Variants in NR2C1 observed in about 807,000 individuals in gnomAD.
NR2C1 encodes the protein nuclear receptor subfamily 2 group C member 1.
NR2C1 carries 33 observed loss-of-function variants against 74.8 expected under a neutral mutation model. The observed-to-expected ratio is 0.44, with a 90% CI of 0.33 to 0.59. The LOEUF is 0.59. Among genes scored for constraint, NR2C1 ranks in the 20% least tolerant of loss-of-function variants. The probability of loss-of-function intolerance (pLI) is 0.02; values close to 1 mark genes in which losing one functional copy is unlikely to be tolerated. For missense variants in NR2C1, 568 were observed against 715.6 expected, an observed-to-expected ratio of 0.79 and a Z score of 2.35; for synonymous variants, 225 against 240.6, an observed-to-expected ratio of 0.94 and a Z score of 0.60.
intron 1 of NR2C1, among the ~76,000 whole-genome samples, chr12:95,071,027 C>T (rs1876516732): frequency 2.0e-5 from 3 of 152,124 alleles, no homozygotes; most frequent in Admixed American, 1.3e-4. Context: ...TGGTGAAACC[C>T]CATCTCTACG....
At chr12:95,071,903 C>A (rs1039903786) in intron 1 of NR2C1, among the ~76,000 whole-genome samples, 9 of 151,572 alleles carry the variant, frequency 5.9e-5, no homozygotes, top group Non-Finnish European at 1.0e-4. Flanking sequence ...TGTGCGCCAC[C>A]ACGCCCGACT....
intron 2 of NR2C1, chr12:95,062,985 A>G: frequency 1.9e-6 from 1 of 529,764 alleles, no homozygotes; most frequent in South Asian, 2.2e-5. Context: ...CCCATGTTCC[A>G]TTTAGACAAA....
chr12:95,037,983 G>A (rs1489090154), intron 10 of NR2C1, among the ~76,000 whole-genome samples: 1 of 150,320 alleles, frequency 6.7e-6, no homozygotes, highest in Non-Finnish European at 1.5e-5. Context: ...TTTCCATCAT[G>A]AGCACTTTGT....
Position 95,036,372 on chromosome 12 carries a change from A to C in NR2C1, c.1253+4104T>G, listed in dbSNP as rs1438438842. Among the ~76,000 whole-genome samples, 3 of 152,114 alleles carry C rather than the reference A, an allele frequency of 2.0e-5. No homozygotes were observed. The East Asian group carries it at 5.8e-4, about 29-fold the overall frequency. ...AGAATTGCTTGAGGCAAGGAGTTCA[A>C]GATCAGCCTGGACAACAGTGAGACC... On this transcript the variant is annotated intron_variant, in intron 10 of 13. Coordinates refer to ENST00000333003, the MANE Select transcript of NR2C1 (RefSeq NM_003297.4).
In NR2C1 at chr12:95,059,951, T is replaced by C. The variant is rs779427734; in HGVS notation, c.319A>G (p.Asn107Asp). 5.0e-6 allele frequency: 8 copies of C among 1,590,388 alleles called. No homozygotes were observed. The Admixed American group carries it at 8.9e-5, about 18-fold the overall frequency. ...ACTACGCAAAGATCAAAAACCTTATTTGGTCCTTGGTCTGGAGAATTATCT... is the reference window on the plus strand; with the variant it reads ...ACTACGCAAAGATCAAAAACCTTATCTGGTCCTTGGTCTGGAGAATTATCT... ...LTDNSPDQGP[N>D]KVFDLCVVCG... Residue 107 changes from asparagine to aspartate, a missense_variant, in exon 4 of 14, where the codon AAT becomes GAT. Coordinates refer to ENST00000333003, the MANE Select transcript of NR2C1 (RefSeq NM_003297.4).
chr12:95,043,848 G>C (rs1313551892), intron 9 of NR2C1, among the ~76,000 whole-genome samples: 1 of 152,116 alleles, frequency 6.6e-6, no homozygotes, highest in Non-Finnish European at 1.5e-5. Context: ...AATGGAAATA[G>C]TTTACAACAC....
intron 7 of NR2C1, among the ~76,000 whole-genome samples, chr12:95,052,516 G>A (rs1873171644): frequency 6.6e-6 from 1 of 152,084 alleles, no homozygotes; most frequent in Non-Finnish European, 1.5e-5. Flanking sequence ...GAGTACAGTG[G>A]CACGACCACA....
At chr12:95,049,046 TA>T (rs563172019) in intron 9 of NR2C1, 21 bp downstream of exon 9, 36 of 1,602,162 alleles carry the variant, frequency 2.2e-5, no homozygotes, top group Non-Finnish European at 3.1e-5. Context: ...ACATACAAGT[TA>T]AAAAAAACAT....
chr12:95,042,336 A>C (rs1871653897), intron 9 of NR2C1, among the ~76,000 whole-genome samples: 1 of 147,216 alleles, frequency 6.8e-6, no homozygotes, highest in Non-Finnish European at 1.5e-5. Flanking sequence ...CAGCCTCCCC[A>C]GTAGCTGGGA....
intron 9 of NR2C1, among the ~76,000 whole-genome samples, chr12:95,041,631 CT>C (rs1483688441): frequency 6.6e-6 from 1 of 152,082 alleles, no homozygotes; most frequent in Admixed American, 6.6e-5. Context: ...ACTGTTGAAA[CT>C]TTTTTCTACT....
intron 2 of NR2C1, chr12:95,066,782 T>G (rs1875770247): frequency 6.5e-6 from 1 of 152,978 alleles, no homozygotes; most frequent in Non-Finnish European, 1.5e-5. Flanking sequence ...TGTAGAAAAT[T>G]CCATTGTATA....
chr12:95,029,837 G>A (rs776429046), intron 11 of NR2C1, among the ~76,000 whole-genome samples: 8 of 152,076 alleles, frequency 5.3e-5, no homozygotes, highest in Non-Finnish European at 8.8e-5. Flanking sequence ...GATTACAGGC[G>A]TGAGCTACCG....
intron 1 of NR2C1, chr12:95,072,983 G>T (rs1166363288): frequency 6.6e-6 from 1 of 152,284 alleles, no homozygotes; most frequent in East Asian, 1.9e-4. Context: ...TTAGCCGTGC[G>T]CCCTGGAAGC....
At chr12:95,068,794 C>T (rs7312137) in intron 1 of NR2C1, among the ~76,000 whole-genome samples, 27,940 of 144,726 alleles carry the variant, frequency 0.19, 2,822 homozygotes, top group Non-Finnish European at 0.21. Context: ...AATTCTGTCT[C>T]ATAAAAAAAA....
intron 10 of NR2C1, among the ~76,000 whole-genome samples, chr12:95,034,700 T>G (rs78833763): frequency 6.6e-6 from 1 of 152,184 alleles, no homozygotes; most frequent in African/African-American, 2.4e-5. Context: ...CACTTCTCTA[T>G]GTTTAGATAC....
At chr12:95,054,386 C>T (rs1232153054) in intron 7 of NR2C1, among the ~76,000 whole-genome samples, 1 of 151,730 alleles carries the variant, frequency 6.6e-6, no homozygotes. Flanking sequence ...TAGCTCACTG[C>T]AGCTTTGAAC....
intron 11 of NR2C1, chr12:95,030,693 T>A: frequency 1.2e-6 from 2 of 1,602,478 alleles, no homozygotes; most frequent in Non-Finnish European, 8.5e-7. Context: ...AAATAGAATA[T>A]GCTAAAGAAC....
At chr12:95,032,457 C>CAAAA (rs905079010) in intron 10 of NR2C1, among the ~76,000 whole-genome samples, 9 of 90,660 alleles carry the variant, frequency 9.9e-5, no homozygotes, top group African/African-American at 3.7e-4. Flanking sequence ...GACTCCGTCT[C>CAAAA]AAAAAAAAAA....
At chr12:95,071,866 G>A (rs1321687902) in intron 1 of NR2C1, among the ~76,000 whole-genome samples, 2 of 150,304 alleles carry the variant, frequency 1.3e-5, no homozygotes, top group African/African-American at 2.5e-5. Flanking sequence ...CTCCTGCCTC[G>A]GCCTCCGGAG....
Sources: allele counts gnomAD v4.1 joint callset (sites outside exome capture counted in the v4.1 genomes callset), GRCh38; gene constraint gnomAD v4.1.1; transcripts MANE v1.5; gene names NCBI Gene and HGNC (gene_info 2026-07-23, HGNC 2026-07-21).